RPS6KA2: variants seen among roughly 807,000 people sequenced by gnomAD.
The protein encoded by RPS6KA2 is ribosomal protein S6 kinase alpha-2.
Under a neutral mutation model 91.8 loss-of-function variants are expected in RPS6KA2, and 42 were observed. The ratio of observed to expected loss-of-function variants is 0.46; its 90% CI spans 0.36 to 0.59. The LOEUF (loss-of-function observed/expected upper bound fraction) is 0.59. Among genes scored for constraint, RPS6KA2 ranks in the 20% least tolerant of loss-of-function variants. The pLI is 0.00. For missense variants in RPS6KA2, 798 were observed against 978.5 expected, an observed-to-expected ratio of 0.82 and a Z score of 2.46; for synonymous variants, 414 against 393.6, an observed-to-expected ratio of 1.05 and a Z score of -0.61.
chr6:166,515,943 G>A (rs1193490832), intron 3 of RPS6KA2, among the ~76,000 whole-genome samples: 4 of 152,278 alleles, frequency 2.6e-5, no homozygotes, highest in East Asian at 3.9e-4. Flanking sequence ...CCCCTTCCCC[G>A]CTGAAGACTG....
intron 2 of RPS6KA2, among the ~76,000 whole-genome samples, chr6:166,661,872 C>G (rs1199562988): frequency 6.6e-6 from 1 of 152,158 alleles, no homozygotes; most frequent in East Asian, 1.9e-4. Context: ...TTCGAGTACA[C>G]TATGAAGGGA....
intron 2 of RPS6KA2, among the ~76,000 whole-genome samples, chr6:166,721,872 C>A (rs1479733529): frequency 6.6e-6 from 1 of 151,202 alleles, no homozygotes; most frequent in Admixed American, 6.6e-5. Flanking sequence ...CAGCCTCGGC[C>A]CCGGATCCAG....
rs765331971 is a variant in RPS6KA2, at chr6:166,448,793, G to A, written c.1263C>T (p.Ile421=). The part of the protein sequence containing the change: ...FTDGYEIKED[I]GVGSYSVCKR... ...TGCACACTGAGTAGGAGCCCACCCCGATGTCCTCCTTGATCTCGTAGCCAT... is the reference window on the plus strand; with the variant it reads ...TGCACACTGAGTAGGAGCCCACCCCAATGTCCTCCTTGATCTCGTAGCCAT... Residue 421 remains isoleucine (I), a synonymous_variant, in exon 14 of 21, where the codon ATC becomes ATT. Transcript: ENST00000265678. This position sits in a 1 kb window ranked among gnomAD's most constrained non-coding sequence, Gnocchi z 4.7. The A allele has an allele frequency of 2.5e-6, 4 of 1,613,792 alleles. No individual in the cohort carries two copies. The highest frequency in any genetic ancestry group is 3.3e-5 in the Admixed American group (2 of 59,940).
chr6:166,841,213 G>A (rs538189415), intron 2 of RPS6KA2, among the ~76,000 whole-genome samples: 105 of 151,716 alleles, frequency 6.9e-4, no homozygotes, highest in South Asian at 6.3e-3. Context: ...AGATTACACC[G>A]CTGCACTCCA....
intron 2 of RPS6KA2, among the ~76,000 whole-genome samples, chr6:166,842,002 AG>A (rs1038251794): frequency 2.0e-5 from 3 of 152,136 alleles, no homozygotes; most frequent in Non-Finnish European, 4.4e-5. Flanking sequence ...AGCGAACAAA[AG>A]CCAGTGCCCA....
At chr6:166,750,371 G>T (rs539112751) in intron 2 of RPS6KA2, among the ~76,000 whole-genome samples, 2 of 151,978 alleles carry the variant, frequency 1.3e-5, no homozygotes, top group Admixed American at 6.5e-5. Flanking sequence ...GTCACCCCAC[G>T]CAGTGCACGC....
At chr6:166,599,643 G>T (rs1451181577) in intron 1 of RPS6KA2, among the ~76,000 whole-genome samples, 1 of 152,194 alleles carries the variant, frequency 6.6e-6, no homozygotes, top group Non-Finnish European at 1.5e-5. Flanking sequence ...ACAGACGCAT[G>T]AATTTAAGAA....
At chr6:166,478,897 C>A (rs1239260717) in intron 10 of RPS6KA2, among the ~76,000 whole-genome samples, 2 of 152,200 alleles carry the variant, frequency 1.3e-5, no homozygotes, top group Non-Finnish European at 2.9e-5. Flanking sequence ...ACCCTCAGTT[C>A]GTAGAATAAA....
intron 2 of RPS6KA2, among the ~76,000 whole-genome samples, chr6:166,840,182 C>T (rs538194246): frequency 1.3e-4 from 20 of 152,238 alleles, no homozygotes; most frequent in African/African-American, 4.3e-4. Context: ...GCTCCTTGAT[C>T]TGCAGTGTCC....
At chr6:166,715,325 T>A (rs1039712577) in intron 2 of RPS6KA2, among the ~76,000 whole-genome samples, 3 of 152,226 alleles carry the variant, frequency 2.0e-5, no homozygotes, top group African/African-American at 7.2e-5. Flanking sequence ...TCTCCCTGCA[T>A]GGGGCACTTG....
intron 2 of RPS6KA2, among the ~76,000 whole-genome samples, chr6:166,746,636 C>T (rs973886684): frequency 6.6e-6 from 1 of 152,220 alleles, no homozygotes; most frequent in Non-Finnish European, 1.5e-5. Flanking sequence ...AGATGCCAGT[C>T]GTAAGCCCCA....
Position 166,621,113 on chromosome 6 carries a change from G to C in RPS6KA2, c.99+5808C>G, listed in dbSNP as rs57241314. ...CATTCGCCGAATGGAATCAGGTAGG[G>C]CTCTCATATCAGTAGCATTCTTGGG... On this transcript the variant is annotated intron_variant, in intron 1 of 20. Transcript: ENST00000265678. Among the ~76,000 whole-genome samples the C allele has an allele frequency of 2.6e-3, 394 of 152,342 alleles. 4 individuals are homozygous for C. The highest frequency in any genetic ancestry group is 9.0e-3 in the African/African-American group (373 of 41,562).
intron 2 of RPS6KA2, among the ~76,000 whole-genome samples, chr6:166,695,000 G>T (rs1001551763): frequency 6.6e-6 from 1 of 152,216 alleles, no homozygotes. Flanking sequence ...TATGGGATCA[G>T]CTCTGGAAAC....
At chr6:166,426,230 A>T (rs1395546931) in intron 16 of RPS6KA2, among the ~76,000 whole-genome samples, 7 of 150,904 alleles carry the variant, frequency 4.6e-5, no homozygotes, top group African/African-American at 1.7e-4. Flanking sequence ...TGAAGGCAGA[A>T]ATAAAGATGT....
At chr6:166,690,365 C>A (rs1789168112) in intron 2 of RPS6KA2, among the ~76,000 whole-genome samples, 1 of 152,136 alleles carries the variant, frequency 6.6e-6, no homozygotes, top group Non-Finnish European at 1.5e-5. Flanking sequence ...AGCATCCTAG[C>A]CCCAGAGGCA....
intron 2 of RPS6KA2, among the ~76,000 whole-genome samples, chr6:166,538,409 A>G (rs1268954577): frequency 6.6e-6 from 1 of 152,198 alleles, no homozygotes; most frequent in Non-Finnish European, 1.5e-5. Flanking sequence ...ATTTACCAAG[A>G]GCCAAGGGAG....
rs1583134177 is a variant in RPS6KA2, at chr6:166,437,851, T to C, written c.1333-5361A>G. Among the ~76,000 whole-genome samples, 1 of 152,352 alleles carries C rather than the reference T, an allele frequency of 6.6e-6. No individual in the cohort carries two copies. The highest frequency in any genetic ancestry group is 1.9e-4 in the East Asian group (1 of 5,180). ...CTGGCCGAAGGCGGCAACAGGAGAC[T>C]TCACCGCTCTCGATACACCTTTCTG... On this transcript the variant is annotated intron_variant, in intron 14 of 20. Transcript: ENST00000265678. This position sits in a 1 kb window ranked among gnomAD's most constrained non-coding sequence, Gnocchi z 4.3.
In RPS6KA2 at chr6:166,626,924, G is replaced by A; in HGVS notation, c.96C>T (p.Leu32=). ...GCCCCGAGGGCGGCCGCATTACCTC[G>A]AGCCGGCTCAGGCTGGAGCTCTTGG... The part of the protein sequence containing the change: ...SRSKSSSLSR[L]EEEGVVKEID... The change falls in exon 1 of 21, where the codon CTC becomes CTT. Residue 32 remains leucine (L), a synonymous_variant. Transcript: ENST00000265678. This position sits in a 1 kb window ranked among gnomAD's most constrained non-coding sequence, Gnocchi z 4.1. The A allele has an allele frequency of 2.6e-6, 4 of 1,529,674 alleles. No individual in the cohort carries two copies. Among genetic ancestry groups the A allele is most frequent in the African/African-American group, 1.4e-5 (1 of 70,450 alleles). 94.8% of individuals were successfully genotyped at this position (1,529,674 alleles called of 1,614,324 possible). A position where few individuals can be genotyped will look rare whatever the true frequency, so the allele number is the denominator to read the frequency against.
At chr6:166,831,183 C>T (rs1000343233) in intron 2 of RPS6KA2, among the ~76,000 whole-genome samples, 5 of 152,160 alleles carry the variant, frequency 3.3e-5, no homozygotes, top group African/African-American at 1.2e-4. Flanking sequence ...CCTGCCCCCA[C>T]CTCCTCCTCC....
Sources: allele counts gnomAD v4.1 joint callset (sites outside exome capture counted in the v4.1 genomes callset), GRCh38; gene constraint gnomAD v4.1.1; non-coding constraint Gnocchi (gnomAD v3.1); transcripts MANE v1.5; gene names NCBI Gene and HGNC (gene_info 2026-07-23, HGNC 2026-07-21).